Variants in CTSE observed in about 807,000 individuals in gnomAD.
CTSE encodes cathepsin E.
In CTSE, 43 loss-of-function variants were observed where a neutral mutation model predicts 42.8. That is an observed-to-expected ratio of 1.01 (90% CI 0.79 to 1.30). The LOEUF (loss-of-function observed/expected upper bound fraction) is 1.30. CTSE is among the 50% of genes most tolerant of loss of function. CTSE has a pLI of 0.00. For missense variants in CTSE, 532 were observed against 493.5 expected (o/e 1.08, Z -0.74); for synonymous variants, 205 against 191.5 (o/e 1.07, Z -0.58).
intron 4 of CTSE, among the ~76,000 whole-genome samples, chr1:206,019,650 C>G (rs1362758696): frequency 6.7e-6 from 1 of 150,206 alleles, no homozygotes; most frequent in Non-Finnish European, 1.5e-5. Flanking sequence ...AGGGATGTAG[C>G]CTTCAAAATA....
At chr1:206,013,424 T>G (rs1178423127) in intron 6 of CTSE, among the ~76,000 whole-genome samples, 1 of 151,976 alleles carries the variant, frequency 6.6e-6, no homozygotes, top group African/African-American at 2.4e-5. Flanking sequence ...CTGTACAAGT[T>G]TTTTGAGGAC....
At chr1:206,023,250 T>C (rs1661504754) in intron 1 of CTSE, among the ~76,000 whole-genome samples, 193 bp from the exon 2 acceptor site, 2 of 151,856 alleles carry the variant, frequency 1.3e-5, no homozygotes, top group Non-Finnish European at 1.5e-5. Flanking sequence ...CTCTGCCCTA[T>C]AGAGTCTTAG....
chr1:206,023,682 T>C (rs782139823), intron 1 of CTSE, 42 bp downstream of exon 1: 2 of 1,593,250 alleles, frequency 1.3e-6, no homozygotes, highest in Non-Finnish European at 1.7e-6. Context: ...TTGCAGGGCA[T>C]GGGACTACCC....
Position 206,010,063 on chromosome 1 carries a change from G to T in CTSE, c.*120C>A. ...CATGTTCTGTTTGGTCTTAATTCAA[G>T]TTGCAACCCTGGAAACAGCTACATT... is the stretch of plus-strand genomic sequence containing the variant. On this transcript the variant is annotated 3_prime_UTR_variant, in exon 9 of 9. Coordinates refer to ENST00000358184, the MANE Select transcript of CTSE (RefSeq NM_001910.4). 3 of 1,226,686 alleles carry T rather than the reference G, an allele frequency of 2.4e-6. No individual in the cohort carries two copies. Among genetic ancestry groups the T allele is most frequent in the Non-Finnish European group, 3.5e-6 (3 of 847,500 alleles). 76.0% of individuals were successfully genotyped at this position (1,226,686 alleles called of 1,614,324 possible). A position where few individuals can be genotyped will look rare whatever the true frequency, so the allele number is the denominator to read the frequency against.
chr1:206,016,005 T>C lies in CTSE; in HGVS notation c.588A>G (p.Gly196=), dbSNP rs1661251193. ...TCATGTTGTCAAATACTGGAGTCAC[T>C]CCTCCCACAGCCAAGGAGGGGTATC... ...GLGYPSLAVG[G]VTPVFDNMMA... is the part of the protein sequence containing the mutation. The change falls in exon 5 of 9, where the codon GGA becomes GGG. Residue 196 remains glycine (G), a synonymous_variant. Transcript: ENST00000358184. 6.2e-7 allele frequency: 1 copy of C among 1,613,776 alleles called. No individual in the cohort carries two copies. Among genetic ancestry groups the C allele is most frequent in the East Asian group, 2.2e-5 (1 of 44,884 alleles).
intron 4 of CTSE, among the ~76,000 whole-genome samples, chr1:206,017,285 G>A (rs1661289772): frequency 6.6e-6 from 1 of 151,948 alleles, no homozygotes; most frequent in Non-Finnish European, 1.5e-5. Flanking sequence ...TGAAACTGAA[G>A]TGCTTCAAAA....
At position 206,022,960 on chromosome 1, in the gene CTSE, A is replaced by G; in HGVS notation, c.166T>C (p.Phe56Leu). The part of the protein sequence containing the change: ...WKSHNLDMIQ[F>L]TESCSMDQSA... ...TGGTCCATTGAGCAGGACTCGGTGA[A>G]CTGGATCATGTCCAAATTATGGGAT... Residue 56 changes from phenylalanine to leucine, a missense_variant, in exon 2 of 9, where the codon TTC (phenylalanine) becomes CTC (leucine). Transcript: ENST00000358184. 1 of 1,610,726 alleles carries G rather than the reference A, an allele frequency of 6.2e-7. No homozygotes were observed. Among genetic ancestry groups the G allele is most frequent in the Non-Finnish European group, 8.5e-7 (1 of 1,178,020 alleles).
Position 206,016,096 on chromosome 1 carries a change from C to T in CTSE, c.497G>A (p.Gly166Glu). 6.2e-7 allele frequency: 1 copy of T among 1,613,940 alleles called. No individual in the cohort carries two copies. Residue 166 changes from glycine to glutamate, a missense_variant, in exon 5 of 9, where the codon GGA (glycine) becomes GAA (glutamate). Gly to Glu is a moderately conservative substitution (Grantham distance 98). Coordinates refer to ENST00000358184, the MANE Select transcript of CTSE (RefSeq NM_001910.4). ...CTGGCCTGGCTCTGTGACACTTTCT[C>T]CAAACTGCTGGCCAACCACGGTTAG... The part of the protein sequence containing the change: ...EGLTVVGQQF[G>E]ESVTEPGQTF...
chr1:206,012,583 A>C lies in CTSE; in HGVS notation c.852T>G (p.Thr284=), dbSNP rs782706956. 1.2e-6 allele frequency: 2 copies of C among 1,613,976 alleles called. No homozygotes were observed. Among genetic ancestry groups the C allele is most frequent in the East Asian group, 2.2e-5 (1 of 44,878 alleles). Residue 284 remains threonine (T), a synonymous_variant, in exon 7 of 9, where the codon ACT becomes ACG. Transcript: ENST00000358184. ...TGTCGGAAGGGCCAGTGATGAGGGA[A>C]GTCCCTGTGTCCACAATGGCCTGGC... is the stretch of plus-strand genomic sequence containing the variant. ...EGCQAIVDTG[T]SLITGPSDKI...
Position 206,022,191 on chromosome 1 carries a change from T to G in CTSE, c.302A>C (p.Asn101Thr), listed in dbSNP as rs1553278533. The G allele has an allele frequency of 6.2e-7, 1 of 1,612,568 alleles. No individual in the cohort carries two copies. The highest frequency in any genetic ancestry group is 8.5e-7 in the Non-Finnish European group (1 of 1,179,088). The change falls in exon 3 of 9, where the codon AAC (asparagine) becomes ACC (threonine). Residue 101 changes from asparagine (N) to threonine (T), a missense_variant. Asn to Thr is a moderately conservative substitution (Grantham distance 65, BLOSUM62 0). Coordinates refer to ENST00000358184, the MANE Select transcript of CTSE (RefSeq NM_001910.4). Reference sequence around the variant, plus strand: ...GCAGTACACAGAGGGGACCCAGAGGTTGGAGGAGCCAGTGTCGAAGATGAC... The same window carrying G: ...GCAGTACACAGAGGGGACCCAGAGGGTGGAGGAGCCAGTGTCGAAGATGAC... The part of the protein sequence containing the change: ...FTVIFDTGSS[N>T]LWVPSVYCTS...
Position 206,009,591 on chromosome 1 carries a change from TC to T in CTSE, c.*591del, listed in dbSNP as rs1227957892. 2.6e-5 allele frequency: 4 copies of T among 154,542 alleles called. No individual in the cohort carries two copies. Among genetic ancestry groups the T allele is most frequent in the Non-Finnish European group, 4.3e-5 (3 of 69,656 alleles). The allele number at this position is 154,542 out of a possible 1,614,324, so 9.6% of individuals were successfully genotyped here. Reference sequence around the variant, plus strand: ...ATGCAATATATGGGCCTTGCTTGAATCCTAATACAAACAATCCAACTACAAA... The same window carrying T: ...ATGCAATATATGGGCCTTGCTTGAATCTAATACAAACAATCCAACTACAAA... On this transcript the variant is annotated 3_prime_UTR_variant, in exon 9 of 9. Coordinates refer to ENST00000358184, the MANE Select transcript of CTSE (RefSeq NM_001910.4).
At chr1:206,018,446 G>A (rs1553277930) in intron 4 of CTSE, among the ~76,000 whole-genome samples, 1 of 151,956 alleles carries the variant, frequency 6.6e-6, no homozygotes, top group African/African-American at 2.4e-5. Flanking sequence ...TTCATAAAAT[G>A]AGTTATAAAG....
In CTSE at chr1:206,012,607, G is replaced by T. The variant is rs782017745; in HGVS notation, c.828C>A (p.Cys276Ter). 1 of 1,613,994 alleles carries T rather than the reference G, an allele frequency of 6.2e-7. No individual in the cohort carries two copies. The highest frequency in any genetic ancestry group is 1.7e-5 in the Admixed American group (1 of 60,028). The stretch of plus-strand genomic sequence containing the variant: ...AAGTCCCTGTGTCCACAATGGCCTG[G>T]CAGCCCTCGGAGCAGAACATAACAG... ...GGTVMFCSEG[C>*]QAIVDTGTSL... Residue 276 changes from cysteine to a stop codon, truncating the protein, a stop_gained, in exon 7 of 9, where the codon TGC becomes TGA. Coordinates refer to ENST00000358184, the MANE Select transcript of CTSE (RefSeq NM_001910.4). LOFTEE classifies it high-confidence loss of function.
intron 3 of CTSE, among the ~76,000 whole-genome samples, chr1:206,021,689 C>A (rs1379839111): frequency 6.6e-6 from 1 of 151,906 alleles, no homozygotes; most frequent in African/African-American, 2.4e-5. Flanking sequence ...GACAAATGGA[C>A]CCACCCATGC....
chr1:206,015,885 C>T (rs1661246616), intron 5 of CTSE, 46 bp downstream of exon 5: 2 of 1,568,116 alleles, frequency 1.3e-6, no homozygotes, highest in South Asian at 1.1e-5. Context: ...TGTTGTCTCC[C>T]TGTAGTTATA....
At position 206,013,800 on chromosome 1, in the gene CTSE, G is replaced by C. The variant is rs1553277425; in HGVS notation, c.757C>G (p.Gln253Glu). 5.6e-6 allele frequency: 9 copies of C among 1,613,724 alleles called. No individual in the cohort carries two copies. The highest frequency in any genetic ancestry group is 1.3e-5 in the African/African-American group (1 of 74,910). The change falls in exon 6 of 9, where the codon CAA becomes GAA. Residue 253 changes from glutamine (Q) to glutamate (E), a missense_variant. Physicochemically the swap from Gln to Glu is conservative, Grantham distance 29 (BLOSUM62 2). Coordinates refer to ENST00000358184, the MANE Select transcript of CTSE (RefSeq NM_001910.4). ...GSLNWVPVTKQAYWQIALDNI... is the reference protein window; with the variant it reads ...GSLNWVPVTKEAYWQIALDNI... ...TCCAGTGCAATCTGCCAGTAAGCTT[G>C]CTTGGTGACTGGGACCCAATTCAGG... is the stretch of plus-strand genomic sequence containing the variant.
chr1:206,023,783 C>A lies in CTSE; in HGVS notation c.9G>T (p.Thr3=). ...GGAGCACCAGCAGCAAAAGAAGGAG[C>A]GTTTTCATTGTGAGTCCGACCAGCA... is the stretch of plus-strand genomic sequence containing the variant. MK[T]LLLLLLVLLE... is the part of the protein sequence containing the mutation. Residue 3 remains threonine, a synonymous_variant, in exon 1 of 9, where the codon ACG becomes ACT. Transcript: ENST00000358184. 1 of 1,613,604 alleles carries A rather than the reference C, an allele frequency of 6.2e-7. No individual in the cohort carries two copies. The highest frequency in any genetic ancestry group is 8.5e-7 in the Non-Finnish European group (1 of 1,179,748).
intron 4 of CTSE, among the ~76,000 whole-genome samples, chr1:206,019,106 T>C (rs1558153596): frequency 6.6e-6 from 1 of 152,088 alleles, no homozygotes; most frequent in Non-Finnish European, 1.5e-5. Flanking sequence ...ATCTTTATTA[T>C]GTCAGTCAGG....
chr1:206,011,935 A>G (rs1661111733), intron 8 of CTSE, among the ~76,000 whole-genome samples: 1 of 152,122 alleles, frequency 6.6e-6, no homozygotes, highest in South Asian at 2.1e-4. Context: ...ATCTTGAACC[A>G]TTTATTTGAC....
Sources: gnomAD v4.1 joint callset for allele counts (sites outside exome capture counted in the v4.1 genomes callset) on GRCh38, gnomAD v4.1.1 for gene constraint, MANE v1.5 for transcripts, NCBI Gene and HGNC (gene_info 2026-07-23, HGNC 2026-07-21) for gene names.